BARD1: variants seen among roughly 807,000 people sequenced by gnomAD.
BARD1 encodes BRCA1 associated RING domain 1.
A neutral mutation model predicts 77.0 loss-of-function variants in BARD1; 73 were observed. The ratio of observed to expected loss-of-function variants is 0.95; its 90% CI spans 0.79 to 1.15. BARD1 has a LOEUF of 1.15. Among genes scored for constraint, BARD1 ranks in the 50% most tolerant of loss-of-function variants. The pLI is 0.00. For synonymous variants in BARD1, 384 were observed against 338.0 expected (o/e 1.14, Z -1.49); for missense variants, 993 against 938.8 (o/e 1.06, Z -0.75).
chr2:214,732,938 GA>G (rs932810422), intron 9 of BARD1, among the ~76,000 whole-genome samples: 11 of 151,716 alleles, frequency 7.3e-5, no homozygotes, highest in African/African-American at 2.4e-4. Context: ...CTTTCTGAGG[GA>G]AAAAAAATGT....
At chr2:214,800,901 A>G (rs1055051807) in intron 1 of BARD1, among the ~76,000 whole-genome samples, 3 of 152,314 alleles carry the variant, frequency 2.0e-5, no homozygotes, top group Non-Finnish European at 4.4e-5. Flanking sequence ...ACTAACTTCC[A>G]CTGTCAAAGT....
intron 9 of BARD1, among the ~76,000 whole-genome samples, chr2:214,738,241 T>C (rs193265188): frequency 2.0e-5 from 3 of 152,190 alleles, no homozygotes; most frequent in Non-Finnish European, 4.4e-5. Flanking sequence ...GAGATTCTTT[T>C]AGCCCAGGTG....
intron 7 of BARD1, among the ~76,000 whole-genome samples, chr2:214,750,718 C>T (rs1380997029): frequency 2.0e-5 from 3 of 152,026 alleles, no homozygotes; most frequent in African/African-American, 7.2e-5. Context: ...AGGGGAAGTC[C>T]ACGGAAAGGC....
rs1693042110 is a variant in BARD1 at position 214,745,142 on chromosome 2, G to A, written c.1828C>T (p.Pro610Ser). 1 of 1,613,684 alleles carries A rather than the reference G, an allele frequency of 6.2e-7. No individual in the cohort carries two copies. The highest frequency in any genetic ancestry group is 8.5e-7 in the Non-Finnish European group (1 of 1,179,766). ...FDSTVTHVVV[P>S]GDAVQSTLKC... ...AAGGTACTTTGAACTGCATCACCAG[G>A]AACAACAACATGAGTTACTAAAATA... is the stretch of plus-strand genomic sequence containing the variant. The change falls in exon 9 of 11, where the codon CCT becomes TCT. Residue 610 changes from proline to serine, a missense_variant. Coordinates refer to ENST00000260947, the MANE Select transcript of BARD1 (RefSeq NM_000465.4).
rs954352901 is a variant in BARD1 at position 214,727,466 on chromosome 2, T to A, written c.*1210A>T. On this transcript the variant is annotated 3_prime_UTR_variant, in exon 11 of 11. Coordinates refer to ENST00000260947, the MANE Select transcript of BARD1 (RefSeq NM_000465.4). ...AGTATATTCAATGTCTAGGAAGGAA[T>A]TATTAAAGAATTCTGCTTCTTAAAA... The A allele has an allele frequency of 4.3e-6, 1 of 231,920 alleles. No individual in the cohort carries two copies. Among genetic ancestry groups the A allele is most frequent in the East Asian group, 6.1e-5 (1 of 16,404 alleles). 14.4% of individuals were successfully genotyped at this position (231,920 alleles called of 1,614,324 possible).
chr2:214,756,550 T>C (rs2106048395), intron 6 of BARD1, among the ~76,000 whole-genome samples: 1 of 152,278 alleles, frequency 6.6e-6, no homozygotes, highest in East Asian at 1.9e-4. Flanking sequence ...GCAGCACAAT[T>C]TGCAACTGCA....
chr2:214,741,134 G>GC (rs569883827), intron 9 of BARD1, among the ~76,000 whole-genome samples: 40 of 152,172 alleles, frequency 2.6e-4, no homozygotes, highest in African/African-American at 9.6e-4. Flanking sequence ...ACTCAATTTA[G>GC]CCCTTCCCCA....
At position 214,728,579 on chromosome 2, in the gene BARD1, T is replaced by C. The variant is rs1454371935; in HGVS notation, c.*97A>G. On this transcript the variant is annotated 3_prime_UTR_variant, in exon 11 of 11. Transcript: ENST00000260947. ...ATTCAAAGACAAATATGAATGACTC[T>C]ACCTATTTGTAAAAATGTGAACATT... 2 of 1,075,476 alleles carry C rather than the reference T, an allele frequency of 1.9e-6. No homozygotes were observed. Among genetic ancestry groups the C allele is most frequent in the African/African-American group, 1.6e-5 (1 of 63,482 alleles). 66.6% of individuals were successfully genotyped at this position (1,075,476 alleles called of 1,614,324 possible).
chr2:214,771,943 A>AG (rs1553620327), intron 4 of BARD1, among the ~76,000 whole-genome samples: 25 of 143,418 alleles, frequency 1.7e-4, no homozygotes, highest in African/African-American at 5.4e-4. Flanking sequence ...AAAAAAAAAA[A>AG]GCAACATTTT....
chr2:214,738,594 T>C (rs543513858), intron 9 of BARD1, among the ~76,000 whole-genome samples: 1 of 152,268 alleles, frequency 6.6e-6, no homozygotes, highest in Non-Finnish European at 1.5e-5. Flanking sequence ...ATGATGGTCA[T>C]GGTTTTATAT....
At chr2:214,736,456 T>A (rs1281006310) in intron 9 of BARD1, among the ~76,000 whole-genome samples, 1 of 152,146 alleles carries the variant, frequency 6.6e-6, no homozygotes, top group Non-Finnish European at 1.5e-5. Context: ...TATCTTTAAC[T>A]GCATATGGTG....
chr2:214,765,283 G>A (rs998330344), intron 6 of BARD1, among the ~76,000 whole-genome samples: 2 of 152,092 alleles, frequency 1.3e-5, no homozygotes, highest in Non-Finnish European at 2.9e-5. Context: ...CAACACTGAA[G>A]GCACCTGTGA....
rs140254589 is a variant in BARD1 at position 214,792,357 on chromosome 2, C to T, written c.304G>A (p.Asp102Asn). 3 of 1,612,746 alleles carry T rather than the reference C, an allele frequency of 1.9e-6. No individual in the cohort carries two copies. Among genetic ancestry groups the T allele is most frequent in the African/African-American group, 1.3e-5 (1 of 74,602 alleles). The change falls in exon 3 of 11, where the codon GAC becomes AAC. Residue 102 changes from aspartate to asparagine, a missense_variant. Coordinates refer to ENST00000260947, the MANE Select transcript of BARD1 (RefSeq NM_000465.4). ...IQDLKINRQL[D>N]SMIQLCSKLR... ...TTACTACAAAGTTGAATCATGCTGT[C>T]CAGTTGTCTATTTATCTTCAAGTCT... is the stretch of plus-strand genomic sequence containing the variant.
intron 7 of BARD1, among the ~76,000 whole-genome samples, chr2:214,751,883 T>C (rs769448289): frequency 6.6e-5 from 10 of 152,196 alleles, no homozygotes; most frequent in Non-Finnish European, 1.5e-4. Flanking sequence ...AATAACAAAC[T>C]TCTTTCTAAC....
intron 7 of BARD1, among the ~76,000 whole-genome samples, chr2:214,751,089 G>C (rs1389351837): frequency 1.3e-3 from 7 of 5,328 alleles, no homozygotes; most frequent in African/African-American, 3.5e-3. Flanking sequence ...CTGTGTGTGT[G>C]TGTGTGTGTG....
intron 6 of BARD1, among the ~76,000 whole-genome samples, chr2:214,766,557 T>TC (rs1453046709): frequency 6.6e-6 from 1 of 152,046 alleles, no homozygotes; most frequent in Non-Finnish European, 1.5e-5. Context: ...AAAGTAAATC[T>TC]CCCCCAAATA....
chr2:214,780,501 A>C lies in BARD1; in HGVS notation c.1314+59T>G, dbSNP rs902123015. ...CCTATGCCATTTTTCAAAAACTGCA[A>C]AGAAATTGCTTTATAGTTGGCCTCA... On this transcript the variant is annotated intron_variant, in intron 4 of 10. Transcript: ENST00000260947. The C allele has an allele frequency of 2.8e-5, 42 of 1,477,114 alleles. No homozygotes were observed. The African/African-American group carries it at 5.6e-4, about 20-fold the overall frequency. 91.5% of individuals were successfully genotyped at this position (1,477,114 alleles called of 1,614,324 possible).
chr2:214,783,855 T>C (rs1285749295), intron 3 of BARD1, among the ~76,000 whole-genome samples: 1 of 152,124 alleles, frequency 6.6e-6, no homozygotes, highest in African/African-American at 2.4e-5. Flanking sequence ...TTACACCTTA[T>C]ATAAAAATTA....
At chr2:214,755,811 T>C (rs777470644) in intron 6 of BARD1, among the ~76,000 whole-genome samples, 97 of 152,334 alleles carry the variant, frequency 6.4e-4, no homozygotes, top group Non-Finnish European at 9.3e-4. Context: ...CGTATGTTGC[T>C]GTGAAAATGG....
Sources: allele counts gnomAD v4.1 joint callset (sites outside exome capture counted in the v4.1 genomes callset), GRCh38; gene constraint gnomAD v4.1.1; transcripts MANE v1.5; gene names NCBI Gene and HGNC (gene_info 2026-07-23, HGNC 2026-07-21).